The following LRP1B variants were observed in gnomAD, a reference collection of about 807,000 sequenced individuals.
The protein encoded by LRP1B is low-density lipoprotein receptor-related protein 1B.
LRP1B carries 217 observed loss-of-function variants against 556.6 expected under a neutral mutation model. That is an observed-to-expected ratio of 0.39 (90% CI 0.35 to 0.44). The LOEUF (loss-of-function observed/expected upper bound fraction) is 0.44. LRP1B is among the 20% of genes least tolerant of loss of function. The probability of loss-of-function intolerance (pLI) is 1.00; values close to 1 mark genes in which losing one functional copy is unlikely to be tolerated. For missense variants in LRP1B, 5,053 were observed against 5,620.8 expected (o/e 0.90, Z 3.23); for synonymous variants, 2,047 against 1,865.8 (o/e 1.10, Z -2.50).
intron 6 of LRP1B, among the ~76,000 whole-genome samples, chr2:141,222,322 C>T (rs1683079545): frequency 6.6e-6 from 1 of 152,132 alleles, no homozygotes; most frequent in Admixed American, 6.6e-5. Flanking sequence ...CATACACCCA[C>T]CCAAGACTGA....
rs34845216 is a variant in LRP1B, at chr2:140,588,966, GAA to G, written c.7194+9663_7194+9664del. 5.7e-3 allele frequency among the ~76,000 whole-genome samples: 762 copies of G among 133,952 alleles called. 9 individuals carry two copies. Among genetic ancestry groups the G allele is most frequent in the African/African-American group, 0.017 (630 of 36,278 alleles). 87.9% of individuals were successfully genotyped at this position (133,952 alleles called of 152,430 possible). On this transcript the variant is annotated intron_variant, in intron 43 of 90. Transcript: ENST00000389484. Reference sequence around the variant, plus strand: ...CAACAGAACGAGACTCCGTCTCAAAGAAAAAAAAAAAAAAAAGATGGACATCC... The same window carrying G: ...CAACAGAACGAGACTCCGTCTCAAAGAAAAAAAAAAAAAAGATGGACATCC...
At chr2:140,968,730 T>C (rs563732080) in intron 18 of LRP1B, among the ~76,000 whole-genome samples, 8 of 152,204 alleles carry the variant, frequency 5.3e-5, no homozygotes, top group Non-Finnish European at 1.2e-4. Flanking sequence ...GTATGTTGTG[T>C]CTTTGTTCTC....
At chr2:140,258,232 A>T (rs555402905) in intron 86 of LRP1B, among the ~76,000 whole-genome samples, 1 of 152,086 alleles carries the variant, frequency 6.6e-6, no homozygotes, top group African/African-American at 2.4e-5. Context: ...AGAATATGAC[A>T]AAGTGCTTAA....
intron 55 of LRP1B, among the ~76,000 whole-genome samples, chr2:140,498,772 T>C (rs1052613341): frequency 3.3e-5 from 5 of 151,900 alleles, no homozygotes; most frequent in African/African-American, 1.2e-4. Flanking sequence ...ATATGACATA[T>C]ATTTGTGTGC....
intron 67 of LRP1B, among the ~76,000 whole-genome samples, chr2:140,380,440 A>G (rs140679067): frequency 3.3e-5 from 5 of 152,296 alleles, no homozygotes; most frequent in Non-Finnish European, 7.4e-5. Context: ...ACCATTCCAT[A>G]CTGAAGCCAT....
chr2:140,846,721 G>C (rs1280949949), intron 29 of LRP1B, among the ~76,000 whole-genome samples: 1 of 152,042 alleles, frequency 6.6e-6, no homozygotes, highest in Non-Finnish European at 1.5e-5. Context: ...GCCCAATAGA[G>C]AGACGAGAGC....
chr2:141,761,750 C>A (rs1363279297), intron 2 of LRP1B, among the ~76,000 whole-genome samples: 1 of 152,116 alleles, frequency 6.6e-6, no homozygotes, highest in African/African-American at 2.4e-5. Flanking sequence ...ATGCCAAAAA[C>A]CCAGCTTCAA....
intron 66 of LRP1B, among the ~76,000 whole-genome samples, chr2:140,401,109 G>A (rs1001381805): frequency 6.6e-6 from 1 of 152,150 alleles, no homozygotes; most frequent in African/African-American, 2.4e-5. Flanking sequence ...TGTAACCTTG[G>A]GTGGGGATGA....
At chr2:141,184,866 C>A (rs531536005) in intron 7 of LRP1B, among the ~76,000 whole-genome samples, 44 of 151,838 alleles carry the variant, frequency 2.9e-4, no homozygotes, top group African/African-American at 9.9e-4. Context: ...GGCTACACTT[C>A]ATTTTTTTTC....
chr2:141,349,377 T>C (rs1468092498), intron 3 of LRP1B, among the ~76,000 whole-genome samples: 4 of 152,026 alleles, frequency 2.6e-5, no homozygotes, highest in Non-Finnish European at 4.4e-5. Context: ...AGAGTGTCTG[T>C]GGTTTTTAAA....
intron 32 of LRP1B, among the ~76,000 whole-genome samples, chr2:140,798,355 A>G (rs1436408348): frequency 1.3e-5 from 2 of 152,220 alleles, no homozygotes; most frequent in East Asian, 1.9e-4. Context: ...TACATTTAAA[A>G]GAAAAAAATA....
chr2:141,036,546 T>C (rs1194905189), intron 11 of LRP1B, among the ~76,000 whole-genome samples: 1 of 152,032 alleles, frequency 6.6e-6, no homozygotes, highest in Non-Finnish European at 1.5e-5. Context: ...AATCTGCCTC[T>C]AGAAAAGGAG....
rs924831869 is a variant in LRP1B, at chr2:140,286,675, T to C, written c.12967+11133A>G. On this transcript the variant is annotated intron_variant, in intron 84 of 90. Transcript: ENST00000389484. ...TACTTTCAATGACTCAATGCAAAAG[T>C]TCATTCTAAATTCATGTATCATTTT... Among the ~76,000 whole-genome samples the C allele has an allele frequency of 2.0e-5, 3 of 151,994 alleles. No homozygotes were observed. The East Asian group carries it at 5.8e-4, about 29-fold the overall frequency.
At chr2:142,065,015 C>T (rs1389149110) in intron 1 of LRP1B, among the ~76,000 whole-genome samples, 1 of 151,324 alleles carries the variant, frequency 6.6e-6, no homozygotes, top group Non-Finnish European at 1.5e-5. Flanking sequence ...TAATTCATGT[C>T]ACGGCACTAG....
At chr2:140,968,526 T>G (rs2105325672) in intron 18 of LRP1B, among the ~76,000 whole-genome samples, 1 of 151,786 alleles carries the variant, frequency 6.6e-6, no homozygotes, top group Non-Finnish European at 1.5e-5. Context: ...TGTCTCTATC[T>G]CCTTCAATTC....
intron 60 of LRP1B, among the ~76,000 whole-genome samples, chr2:140,458,034 CCTT>C (rs1478008369): frequency 6.6e-6 from 1 of 151,852 alleles, no homozygotes; most frequent in African/African-American, 2.4e-5. Context: ...ATATATATCT[CCTT>C]CTGGTTGTTC....
intron 11 of LRP1B, among the ~76,000 whole-genome samples, chr2:141,046,273 T>A (rs919709863): frequency 2.0e-5 from 3 of 152,138 alleles, no homozygotes; most frequent in African/African-American, 7.2e-5. Flanking sequence ...TTCCAAATCA[T>A]GTGTCAAACT....
At chr2:140,453,308 AT>A (rs1686957658) in intron 62 of LRP1B, among the ~76,000 whole-genome samples, 1 of 152,006 alleles carries the variant, frequency 6.6e-6, no homozygotes, top group Admixed American at 6.6e-5. Flanking sequence ...AGGGTAAAAT[AT>A]ACTTATCTTA....
intron 2 of LRP1B, among the ~76,000 whole-genome samples, chr2:141,669,007 T>C (rs1022827707): frequency 2.6e-5 from 4 of 152,166 alleles, no homozygotes; most frequent in African/African-American, 9.7e-5. Flanking sequence ...CAAGGAACTC[T>C]GCTGTTTTAA....
Sources: allele counts gnomAD v4.1 joint callset (sites outside exome capture counted in the v4.1 genomes callset), GRCh38; gene constraint gnomAD v4.1.1; transcripts MANE v1.5; gene names NCBI Gene and HGNC (gene_info 2026-07-23, HGNC 2026-07-21).